Variants in UTRN observed in about 807,000 individuals in gnomAD.
The protein encoded by UTRN is dystrophin-related protein 1.
Under a neutral mutation model 463.9 loss-of-function variants are expected in UTRN, and 283 were observed. That is an observed-to-expected ratio of 0.61 (90% CI 0.55 to 0.67). UTRN has a LOEUF of 0.67. Ranked by LOEUF, UTRN falls within the 30% of genes least tolerant of loss-of-function variation. UTRN has a pLI of 0.00. For synonymous variants in UTRN, 1,442 were observed against 1,431.5 expected (o/e 1.01, Z -0.17); for missense variants, 3,922 against 4,084.3 (o/e 0.96, Z 1.08).
At position 144,426,268 on chromosome 6, in the gene UTRN, C is replaced by G. The variant is rs1377827441; in HGVS notation, c.406-19C>G. 5 of 1,605,080 alleles carry G rather than the reference C, an allele frequency of 3.1e-6. No homozygotes were observed. The highest frequency in any genetic ancestry group is 1.7e-4 in the Middle Eastern group (1 of 6,008). On this transcript the variant is annotated intron_variant, in intron 6 of 74. Transcript: ENST00000367545. Reference sequence around the variant, plus strand: ...TACTGAAGTATTAGTTATGGACAGGCCTGGTTTCTCTTACATAGGTGAAAG... The same window carrying G: ...TACTGAAGTATTAGTTATGGACAGGGCTGGTTTCTCTTACATAGGTGAAAG...
intron 21 of UTRN, among the ~76,000 whole-genome samples, chr6:144,460,559 A>G (rs1383649952): frequency 2.0e-5 from 3 of 152,252 alleles, no homozygotes; most frequent in African/African-American, 7.2e-5. Context: ...TTATTGGTAC[A>G]AGCTGTGCTT....
chr6:144,420,871 T>C (rs144846309), intron 3 of UTRN, among the ~76,000 whole-genome samples: 1 of 152,324 alleles, frequency 6.6e-6, no homozygotes, highest in Non-Finnish European at 1.5e-5. Flanking sequence ...TGTTGTAGGC[T>C]CATTTACATT....
In UTRN at chr6:144,485,412, C is replaced by G. The variant is rs1227436734; in HGVS notation, c.3715C>G (p.Leu1239Val). The G allele has an allele frequency of 6.2e-7, 1 of 1,614,020 alleles. No individual in the cohort carries two copies. The highest frequency in any genetic ancestry group is 8.5e-7 in the Non-Finnish European group (1 of 1,180,030). ...EEVWSCWIEL[L>V]HYLDLETTWL... is the part of the protein sequence containing the mutation. ...GGTCTGGTCTTGTTGGATTGAACTG[C>G]TTCACTATTTGGATCTTGAAACTAC... is the stretch of plus-strand genomic sequence containing the variant. Residue 1239 changes from leucine to valine, a missense_variant, in exon 28 of 75, where the codon CTT (leucine) becomes GTT (valine). Physicochemically the swap from Leu to Val is conservative, Grantham distance 32. Around this residue, in one of 3 missense-constraint regions of UTRN, gnomAD observed 2,349 missense variants for 2,303.8 expected, o/e 1.02. Coordinates refer to ENST00000367545, the MANE Select transcript of UTRN (RefSeq NM_007124.3).
At chr6:144,750,978 C>A (rs1335792079) in intron 55 of UTRN, among the ~76,000 whole-genome samples, 1 of 152,116 alleles carries the variant, frequency 6.6e-6, no homozygotes, top group Non-Finnish European at 1.5e-5. Flanking sequence ...TCTGTAGACT[C>A]CACTCTTCCT....
chr6:144,617,813 A>C (rs1471503037), intron 51 of UTRN, among the ~76,000 whole-genome samples: 1 of 152,124 alleles, frequency 6.6e-6, no homozygotes, highest in Admixed American at 6.6e-5. Context: ...CTACTGTTCT[A>C]CCGGGGAGTA....
At chr6:144,729,197 G>A (rs980332071) in intron 53 of UTRN, among the ~76,000 whole-genome samples, 2 of 152,054 alleles carry the variant, frequency 1.3e-5, no homozygotes, top group African/African-American at 4.8e-5. Flanking sequence ...AGAAAATGTA[G>A]CCCATTAGTC....
chr6:144,413,528 C>T (rs920558142), intron 3 of UTRN, among the ~76,000 whole-genome samples: 16 of 152,208 alleles, frequency 1.1e-4, no homozygotes, highest in East Asian at 7.7e-4. Flanking sequence ...ATGAGAACAG[C>T]ACAGGAAAGA....
intron 51 of UTRN, among the ~76,000 whole-genome samples, chr6:144,626,549 A>C (rs995550832): frequency 6.6e-6 from 1 of 152,236 alleles, no homozygotes; most frequent in Non-Finnish European, 1.5e-5. Flanking sequence ...ATTTGGTTAC[A>C]GTGGGTTTGC....
intron 41 of UTRN, among the ~76,000 whole-genome samples, chr6:144,528,777 G>A (rs1205190718): frequency 1.3e-5 from 2 of 152,228 alleles, no homozygotes; most frequent in Non-Finnish European, 2.9e-5. Flanking sequence ...CTGTTGGTTG[G>A]CCCCCAGCCA....
chr6:144,753,083 G>A (rs966709979), intron 56 of UTRN, among the ~76,000 whole-genome samples: 8 of 152,154 alleles, frequency 5.3e-5, no homozygotes, highest in African/African-American at 1.9e-4. Context: ...AATTTAAATA[G>A]CTAGCCAGGA....
chr6:144,429,818 G>C, intron 9 of UTRN, 77 bp downstream of exon 9: 1 of 1,497,664 alleles, frequency 6.7e-7, no homozygotes. Flanking sequence ...AACACTTTTA[G>C]AGGGTTTTTT....
intron 62 of UTRN, among the ~76,000 whole-genome samples, chr6:144,790,663 G>A (rs1019147448): frequency 1.3e-5 from 2 of 152,178 alleles, no homozygotes; most frequent in Non-Finnish European, 2.9e-5. Flanking sequence ...ACTTTATCCA[G>A]AATTGAAGTA....
chr6:144,678,623 G>A (rs771841981), intron 52 of UTRN, 45 bp downstream of exon 52: 4 of 1,482,904 alleles, frequency 2.7e-6, no homozygotes, highest in Middle Eastern at 1.8e-4. Context: ...GGTGGAAGGG[G>A]TAGATACTTG....
intron 29 of UTRN, among the ~76,000 whole-genome samples, chr6:144,488,009 T>C (rs1792646557): frequency 6.6e-6 from 1 of 152,208 alleles, no homozygotes; most frequent in Non-Finnish European, 1.5e-5. Flanking sequence ...TAGTAAATAT[T>C]AGGGCCATGA....
chr6:144,814,895 TA>T, intron 65 of UTRN, among the ~76,000 whole-genome samples: 1 of 152,326 alleles, frequency 6.6e-6, no homozygotes, highest in Admixed American at 6.5e-5. Flanking sequence ...CAAGTTAAGT[TA>T]AATCAGAAAT....
At chr6:144,783,206 A>T (rs931809786) in intron 61 of UTRN, among the ~76,000 whole-genome samples, 5 of 152,184 alleles carry the variant, frequency 3.3e-5, no homozygotes, top group African/African-American at 1.2e-4. Flanking sequence ...AAAAAAAAAA[A>T]AAGAAAAGAA....
chr6:144,699,448 A>AT (rs201088012), intron 52 of UTRN, among the ~76,000 whole-genome samples: 32 of 137,790 alleles, frequency 2.3e-4, no homozygotes, highest in East Asian at 6.4e-4. Flanking sequence ...TCAAAAAAAA[A>AT]AATAATAATA....
chr6:144,832,929 C>G (rs1017778730), intron 69 of UTRN, among the ~76,000 whole-genome samples: 1 of 152,086 alleles, frequency 6.6e-6, no homozygotes, highest in Non-Finnish European at 1.5e-5. Context: ...AAGTGATTCT[C>G]CTGCCTCAGC....
chr6:144,807,043 G>C (rs1378428234), intron 65 of UTRN, among the ~76,000 whole-genome samples: 5 of 152,124 alleles, frequency 3.3e-5, no homozygotes, highest in Admixed American at 6.6e-5. Flanking sequence ...GTTTGGTACA[G>C]TGATAATAAG....
Sources: gnomAD v4.1 joint callset for allele counts (sites outside exome capture counted in the v4.1 genomes callset) on GRCh38, gnomAD v4.1.1 for gene constraint, gnomAD v4.1.1 regional missense constraint, MANE v1.5 for transcripts, NCBI Gene and HGNC (gene_info 2026-07-23, HGNC 2026-07-21) for gene names.